Variants in RSRC1 observed in about 807,000 individuals in gnomAD.
RSRC1 encodes the protein serine/Arginine-related protein 53.
RSRC1 carries 39 observed loss-of-function variants against 49.1 expected under a neutral mutation model. The ratio of observed to expected loss-of-function variants is 0.79; its 90% CI spans 0.61 to 1.04. The LOEUF is 1.04. RSRC1 is among the 50% of genes least tolerant of loss of function. The pLI is 0.00. For synonymous variants in RSRC1, 143 were observed against 130.8 expected (o/e 1.09, Z -0.63); for missense variants, 388 against 402.4 (o/e 0.96, Z 0.31).
chr3:158,234,085 G>A (rs1323438599), intron 4 of RSRC1, among the ~76,000 whole-genome samples: 3 of 152,160 alleles, frequency 2.0e-5, no homozygotes, highest in Non-Finnish European at 4.4e-5. Flanking sequence ...GTGACAGTGA[G>A]ACACCTTACT....
chr3:158,115,252 T>C (rs1164965252), intron 1 of RSRC1, among the ~76,000 whole-genome samples: 1 of 152,194 alleles, frequency 6.6e-6, no homozygotes, highest in Non-Finnish European at 1.5e-5. Context: ...ATTATGTTGT[T>C]TGTAATTAGA....
chr3:158,531,345 T>C (rs1712391233), intron 7 of RSRC1, among the ~76,000 whole-genome samples: 2 of 151,964 alleles, frequency 1.3e-5, no homozygotes, highest in South Asian at 4.1e-4. Context: ...TGAGAAGAGT[T>C]GAATGAGACA....
At chr3:158,223,737 A>T (rs147268413) in intron 4 of RSRC1, among the ~76,000 whole-genome samples, 4 of 151,808 alleles carry the variant, frequency 2.6e-5, no homozygotes, top group African/African-American at 9.6e-5. Context: ...TATTTTGGAC[A>T]TTAAAGTACC....
intron 5 of RSRC1, among the ~76,000 whole-genome samples, chr3:158,318,080 A>C (rs1168912182): frequency 6.6e-6 from 1 of 151,838 alleles, no homozygotes; most frequent in Non-Finnish European, 1.5e-5. Flanking sequence ...ATAGCTCATC[A>C]GCTATTGTTA....
chr3:158,311,918 G>C lies in RSRC1; in HGVS notation c.531+13843G>C, dbSNP rs560195468. On this transcript the variant is annotated intron_variant, in intron 5 of 9. Coordinates refer to ENST00000611884, the MANE Select transcript of RSRC1 (RefSeq NM_001271838.2). ...GGGAAATTTTTTTCTTTAAAAGATAGTTAAGCTTCAGAGAATTGACCAACC... is the reference window on the plus strand; with the variant it reads ...GGGAAATTTTTTTCTTTAAAAGATACTTAAGCTTCAGAGAATTGACCAACC... 3.2e-4 allele frequency among the ~76,000 whole-genome samples: 49 copies of C among 152,058 alleles called. No individual in the cohort carries two copies. The Middle Eastern group carries it at 0.01, about 32-fold the overall frequency.
intron 1 of RSRC1, among the ~76,000 whole-genome samples, chr3:158,115,525 TTTACC>T (rs1279507908): frequency 1.3e-5 from 2 of 152,180 alleles, no homozygotes. Flanking sequence ...TCTATGAATA[TTTACC>T]TTATTAATTA....
intron 3 of RSRC1, among the ~76,000 whole-genome samples, chr3:158,142,591 G>T (rs1372186095): frequency 6.6e-6 from 1 of 152,198 alleles, no homozygotes; most frequent in South Asian, 2.1e-4. Context: ...TATAAACGTG[G>T]TGAAAGGTGA....
At chr3:158,275,146 T>C (rs994012562) in intron 4 of RSRC1, among the ~76,000 whole-genome samples, 15 of 152,198 alleles carry the variant, frequency 9.9e-5, no homozygotes, top group Non-Finnish European at 1.5e-5. Flanking sequence ...CTAATAATTT[T>C]ATCTAACATT....
At chr3:158,468,083 G>A (rs1737968469) in intron 7 of RSRC1, among the ~76,000 whole-genome samples, 3 of 152,104 alleles carry the variant, frequency 2.0e-5, no homozygotes, top group Non-Finnish European at 4.4e-5. Context: ...ACAGGTGCCT[G>A]CCACCATGCC....
In RSRC1 at chr3:158,317,476, C is replaced by T. The variant is rs555064467; in HGVS notation, c.531+19401C>T. Among the ~76,000 whole-genome samples, 18 of 152,256 alleles carry T rather than the reference C, an allele frequency of 1.2e-4. 1 individual carries two copies. The highest frequency in any genetic ancestry group is 3.1e-4 in the African/African-American group (13 of 41,546). Reference sequence around the variant, plus strand: ...AACTCCTGAGCTCAAGTGATCCACCCGCCTTGGCCTCCCAAAGTGCTGGTA... The same window carrying T: ...AACTCCTGAGCTCAAGTGATCCACCTGCCTTGGCCTCCCAAAGTGCTGGTA... On this transcript the variant is annotated intron_variant, in intron 5 of 9. Coordinates refer to ENST00000611884, the MANE Select transcript of RSRC1 (RefSeq NM_001271838.2).
intron 6 of RSRC1, among the ~76,000 whole-genome samples, chr3:158,382,251 A>G (rs1314210947): frequency 1.3e-5 from 2 of 152,166 alleles, no homozygotes; most frequent in African/African-American, 4.8e-5. Flanking sequence ...TCCTATGATA[A>G]TAGTGCCTTC....
intron 3 of RSRC1, among the ~76,000 whole-genome samples, chr3:158,187,396 T>C (rs1719992761): frequency 6.6e-6 from 1 of 152,052 alleles, no homozygotes; most frequent in Non-Finnish European, 1.5e-5. Flanking sequence ...TTAACTATTA[T>C]AGTAAAGGGG....
chr3:158,352,514 A>G (rs937427876), intron 5 of RSRC1, among the ~76,000 whole-genome samples: 3 of 152,184 alleles, frequency 2.0e-5, no homozygotes, highest in African/African-American at 7.2e-5. Flanking sequence ...ACAAAAAAAA[A>G]TTAGTCATGA....
chr3:158,406,916 T>C (rs1392739848), intron 6 of RSRC1, among the ~76,000 whole-genome samples: 1 of 152,094 alleles, frequency 6.6e-6, no homozygotes, highest in Admixed American at 6.6e-5. Flanking sequence ...TGAAATTTAT[T>C]ATTCTGGAGA....
chr3:158,535,418 A>AT (rs1042327275), intron 7 of RSRC1, among the ~76,000 whole-genome samples: 1 of 151,508 alleles, frequency 6.6e-6, no homozygotes, highest in African/African-American at 2.4e-5. Flanking sequence ...CTTTAATTTG[A>AT]TTGGTAGTAT....
At chr3:158,502,244 A>G (rs1739638872) in intron 7 of RSRC1, among the ~76,000 whole-genome samples, 1 of 152,152 alleles carries the variant, frequency 6.6e-6, no homozygotes, top group African/African-American at 2.4e-5. Context: ...TGTTAATCTG[A>G]TAGGTTTTCC....
At chr3:158,513,461 G>C (rs953469496) in intron 7 of RSRC1, among the ~76,000 whole-genome samples, 2 of 152,162 alleles carry the variant, frequency 1.3e-5, no homozygotes, top group Admixed American at 6.5e-5. Context: ...TTCCAGGGAT[G>C]AAGCCCACTT....
chr3:158,509,971 A>C (rs1740066179), intron 7 of RSRC1, among the ~76,000 whole-genome samples: 1 of 152,194 alleles, frequency 6.6e-6, no homozygotes, highest in Admixed American at 6.5e-5. Flanking sequence ...CTGAGGTATA[A>C]AGTACACACA....
intron 3 of RSRC1, among the ~76,000 whole-genome samples, chr3:158,164,425 G>A (rs1175134569): frequency 6.6e-6 from 1 of 151,484 alleles, no homozygotes; most frequent in Non-Finnish European, 1.5e-5. Flanking sequence ...AATACTTTTT[G>A]TGCTTCCAAA....
Sources: allele counts gnomAD v4.1 joint callset (sites outside exome capture counted in the v4.1 genomes callset), GRCh38; gene constraint gnomAD v4.1.1; transcripts MANE v1.5; gene names NCBI Gene and HGNC (gene_info 2026-07-23, HGNC 2026-07-21).